PTPRS: variants seen among roughly 807,000 people sequenced by gnomAD.
PTPRS encodes protein tyrosine phosphatase receptor type S, also known as receptor-type tyrosine-protein phosphatase S.
In PTPRS, 63 loss-of-function variants were observed where a neutral mutation model predicts 215.3. The observed-to-expected ratio is 0.29, with a 90% CI of 0.24 to 0.36. The LOEUF (loss-of-function observed/expected upper bound fraction) is 0.36. Ranked by LOEUF, PTPRS falls within the 10% of genes least tolerant of loss-of-function variation. PTPRS has a pLI of 1.00. For missense variants in PTPRS, 2,258 were observed against 2,825.8 expected (o/e 0.80, Z 4.56); for synonymous variants, 1,404 against 1,191.4 (o/e 1.18, Z -3.68).
chr19:5,308,044 G>GA (rs2049558311), intron 1 of PTPRS, among the ~76,000 whole-genome samples: 1 of 152,192 alleles, frequency 6.6e-6, no homozygotes, highest in Non-Finnish European at 1.5e-5. Context: ...TGCTACTGGG[G>GA]AAAGAGAGAG....
In PTPRS at chr19:5,287,634, C is replaced by G. The variant is rs2048453061; in HGVS notation, c.-94-1400G>C. ...CTGGTGGCGCATAATAACGGGGCAGCCCCTGTGATTCTGACTCCCAAAATA... is the reference window on the plus strand; with the variant it reads ...CTGGTGGCGCATAATAACGGGGCAGGCCCTGTGATTCTGACTCCCAAAATA... On this transcript the variant is annotated intron_variant, in intron 1 of 37. Coordinates refer to ENST00000262963, the MANE Select transcript of PTPRS (RefSeq NM_002850.4). The surrounding 1 kb of genome is among the most constrained non-coding windows in gnomAD (Gnocchi z 4.8). Among the ~76,000 whole-genome samples the G allele has an allele frequency of 6.6e-6, 1 of 152,174 alleles. No homozygotes were observed. The highest frequency in any genetic ancestry group is 2.4e-5 in the African/African-American group (1 of 41,450).
rs1302653253 is a variant in PTPRS, at chr19:5,222,097, CCTGCCTGCTGG to C, written c.3201+15_3201+25del. The C allele has an allele frequency of 2.5e-6, 4 of 1,589,734 alleles. No individual in the cohort carries two copies. The African/African-American group carries it at 5.4e-5, about 21-fold the overall frequency. On this transcript the variant is annotated intron_variant, in intron 19 of 37. Transcript: ENST00000262963. ...TACAACCCCTGACCCTGCCTGCCTGCCTGCCTGCTGGCTGGGCAGTCGCACCTTGTAGGGTG... is the reference window on the plus strand; with the variant it reads ...TACAACCCCTGACCCTGCCTGCCTGCCTGGGCAGTCGCACCTTGTAGGGTG...
chr19:5,264,852 G>A (rs2146376587), intron 5 of PTPRS, among the ~76,000 whole-genome samples, 156 bp downstream of exon 5: 1 of 152,292 alleles, frequency 6.6e-6, no homozygotes, highest in Middle Eastern at 3.4e-3. Flanking sequence ...CGGCTTTGAA[G>A]ACATTTGCCC....
chr19:5,210,760 G>C lies in PTPRS; in HGVS notation c.5280C>G (p.Thr1760=), dbSNP rs2040795266. 6.2e-7 allele frequency: 1 copy of C among 1,614,032 alleles called. No homozygotes were observed. Among genetic ancestry groups the C allele is most frequent in the Non-Finnish European group, 8.5e-7 (1 of 1,180,050 alleles). Residue 1760 remains threonine, a synonymous_variant, in exon 34 of 38, where the codon ACC becomes ACG. Coordinates refer to ENST00000262963, the MANE Select transcript of PTPRS (RefSeq NM_002850.4). The surrounding 1 kb of genome is among the most constrained non-coding windows in gnomAD (Gnocchi z 4.5). The part of the protein sequence containing the change: ...YIATQGPLAE[T]TEDFWRMLWE... ...ACAGCATGCGCCAGAAGTCTTCCGT[G>C]GTCTCCGCCAGCGGCCCCTGTGTCG...
rs2048988003 is a variant in PTPRS at position 5,293,215 on chromosome 19, CG to C, written c.-94-6982del. The stretch of plus-strand genomic sequence containing the variant: ...CGCCGCAGCCGCTCCCCGCGTCCCT[CG>C]GTCCGCCCGGAGCGCGGCGCGCAGC... On this transcript the variant is annotated intron_variant, in intron 1 of 37. Transcript: ENST00000262963. The surrounding 1 kb of genome is among the most constrained non-coding windows in gnomAD (Gnocchi z 8.4). 1 of 150,536 alleles carries C rather than the reference CG, an allele frequency of 6.6e-6. No homozygotes were observed. The highest frequency in any genetic ancestry group is 2.1e-4 in the South Asian group (1 of 4,732). The allele number at this position is 150,536 out of a possible 1,614,324, so 9.3% of individuals were successfully genotyped here.
chr19:5,291,983 C>T (rs1232494241), intron 1 of PTPRS, among the ~76,000 whole-genome samples: 2 of 152,018 alleles, frequency 1.3e-5, no homozygotes, highest in Non-Finnish European at 2.9e-5. Flanking sequence ...CATACCCTTT[C>T]ACATCCTCAT....
intron 10 of PTPRS, among the ~76,000 whole-genome samples, chr19:5,245,112 T>C (rs1216949477): frequency 6.6e-6 from 1 of 151,432 alleles, no homozygotes; most frequent in African/African-American, 2.4e-5. Flanking sequence ...CCCGAGTAGC[T>C]GGGATTACAG....
intron 2 of PTPRS, among the ~76,000 whole-genome samples, chr19:5,276,478 C>A (rs960325708): frequency 1.3e-5 from 2 of 152,020 alleles, no homozygotes; most frequent in African/African-American, 4.8e-5. Context: ...CTACCTTGGC[C>A]TCCCAAAGTG....
At position 5,291,372 on chromosome 19, in the gene PTPRS, C is replaced by T. The variant is rs565690066; in HGVS notation, c.-94-5138G>A. 1.5e-4 allele frequency among the ~76,000 whole-genome samples: 23 copies of T among 152,222 alleles called. 2 individuals are homozygous for T. Among genetic ancestry groups the T allele is most frequent in the Admixed American group, 6.5e-4 (10 of 15,296 alleles). On this transcript the variant is annotated intron_variant, in intron 1 of 37. Coordinates refer to ENST00000262963, the MANE Select transcript of PTPRS (RefSeq NM_002850.4). Reference sequence around the variant, plus strand: ...GCTGGGCTGGGTTAGGATTTGAGGCCAGAGCCCGGCTCTCAGTCGAGCCCA... The same window carrying T: ...GCTGGGCTGGGTTAGGATTTGAGGCTAGAGCCCGGCTCTCAGTCGAGCCCA...
intron 1 of PTPRS, among the ~76,000 whole-genome samples, chr19:5,312,791 T>A (rs1457126726): frequency 3.3e-5 from 5 of 152,200 alleles, no homozygotes; most frequent in Admixed American, 2.0e-4. Flanking sequence ...ATTCGAATTG[T>A]CTCCATTTTA....
chr19:5,272,842 A>C (rs2047039253), intron 4 of PTPRS, among the ~76,000 whole-genome samples: 1 of 152,060 alleles, frequency 6.6e-6, no homozygotes, highest in Non-Finnish European at 1.5e-5. Flanking sequence ...GGTGTGAGCC[A>C]CCATGCCCAA....
At chr19:5,276,194 G>A (rs955232466) in intron 2 of PTPRS, among the ~76,000 whole-genome samples, 5 of 151,998 alleles carry the variant, frequency 3.3e-5, no homozygotes, top group African/African-American at 7.3e-5. Context: ...TTCAGTCTCT[G>A]CAATAAAGCC....
intron 4 of PTPRS, among the ~76,000 whole-genome samples, chr19:5,266,633 T>C (rs897682854): frequency 6.6e-6 from 1 of 151,932 alleles, no homozygotes; most frequent in Non-Finnish European, 1.5e-5. Context: ...CCAAAGTGCC[T>C]GGATTACAGG....
At chr19:5,297,708 T>C (rs879761657) in intron 1 of PTPRS, among the ~76,000 whole-genome samples, 3 of 151,822 alleles carry the variant, frequency 2.0e-5, no homozygotes, top group Non-Finnish European at 4.4e-5. Context: ...CAAACACCTA[T>C]GACAACAGAG....
chr19:5,302,901 CAAAAAAAA>C (rs61244607), intron 1 of PTPRS, among the ~76,000 whole-genome samples: 2 of 112,578 alleles, frequency 1.8e-5, no homozygotes, highest in Non-Finnish European at 3.7e-5. Context: ...ACTAAAAATA[CAAAAAAAA>C]AAAAAAAAAA....
At chr19:5,320,507 G>T (rs2049998284) in intron 1 of PTPRS, among the ~76,000 whole-genome samples, 1 of 152,180 alleles carries the variant, frequency 6.6e-6, no homozygotes, top group South Asian at 2.1e-4. Context: ...TTGGCTCACT[G>T]CAAACTCTGC....
intron 1 of PTPRS, among the ~76,000 whole-genome samples, chr19:5,327,267 G>A (rs1406172334): frequency 6.6e-6 from 1 of 152,180 alleles, no homozygotes; most frequent in African/African-American, 2.4e-5. Flanking sequence ...TGCTTCCAGA[G>A]GGCACTGATC....
intron 1 of PTPRS, among the ~76,000 whole-genome samples, chr19:5,286,921 C>T (rs1163253442): frequency 3.9e-5 from 6 of 152,126 alleles, no homozygotes; most frequent in Non-Finnish European, 5.9e-5. Flanking sequence ...CCCCAGTTTT[C>T]TCCAACTCAC....
chr19:5,243,774 A>G (rs1165319928), intron 11 of PTPRS, 127 bp downstream of exon 11: 2 of 935,110 alleles, frequency 2.1e-6, no homozygotes, highest in African/African-American at 3.4e-5. Context: ...ACCCGGCCTA[A>G]ATGCTAGCAT....
Sources: gnomAD v4.1 joint callset for allele counts (sites outside exome capture counted in the v4.1 genomes callset) on GRCh38, gnomAD v4.1.1 for gene constraint, Gnocchi (gnomAD v3.1) non-coding constraint, MANE v1.5 for transcripts, NCBI Gene and HGNC (gene_info 2026-07-23, HGNC 2026-07-21) for gene names.